Variants in SP2 observed in about 807,000 individuals in gnomAD.
The protein encoded by SP2 is Sp2 transcription factor.
SP2 carries 9 observed loss-of-function variants against 50.1 expected under a neutral mutation model. The observed-to-expected ratio is 0.18, with a 90% CI of 0.11 to 0.31. The LOEUF (loss-of-function observed/expected upper bound fraction) is 0.31. SP2 is among the 10% of genes least tolerant of loss of function. The pLI is 1.00. For missense variants in SP2, 581 were observed against 806.5 expected, an observed-to-expected ratio of 0.72 and a Z score of 3.39; for synonymous variants, 313 against 326.6, an observed-to-expected ratio of 0.96 and a Z score of 0.45.
chr17:47,898,725 C>T (rs906899849), intron 1 of SP2: 7 of 152,190 alleles, frequency 4.6e-5, no homozygotes, highest in Non-Finnish European at 1.0e-4. Context: ...CAGAGAAACA[C>T]TGCTTTAAAG....
Position 47,916,377 on chromosome 17 carries a change from C to T in SP2, c.306C>T (p.Ser102=), listed in dbSNP as rs533039353. 2.2e-5 allele frequency: 36 copies of T among 1,614,108 alleles called. No homozygotes were observed. The highest frequency in any genetic ancestry group is 6.7e-5 in the East Asian group (3 of 44,882). Residue 102 remains serine, a synonymous_variant, in exon 3 of 7, where the codon AGC becomes AGT. Transcript: ENST00000376741. The surrounding 1 kb of genome is among the most constrained non-coding windows in gnomAD (Gnocchi z 4.7). ...TTCAGATTCAGGGGTCACAACTGAG[C>T]GCCTCCTATCCTGGAGGGCAGCTGG... ...NILQIQGSQL[S]ASYPGGQLVF...
At chr17:47,912,414 C>T (rs140271627) in intron 1 of SP2, among the ~76,000 whole-genome samples, 2 of 151,480 alleles carry the variant, frequency 1.3e-5, no homozygotes, top group African/African-American at 2.4e-5. Flanking sequence ...AGCTCATCAC[C>T]TATCCAGGGC....
chr17:47,917,019 C>T lies in SP2; in HGVS notation c.948C>T (p.Ile316=). The T allele has an allele frequency of 1.2e-6, 2 of 1,614,190 alleles. No homozygotes were observed. The highest frequency in any genetic ancestry group is 2.2e-5 in the South Asian group (2 of 91,092). The change falls in exon 3 of 7, where the codon ATC becomes ATT. Residue 316 remains isoleucine (I), a synonymous_variant. Coordinates refer to ENST00000376741, the MANE Select transcript of SP2 (RefSeq NM_003110.6). The part of the protein sequence containing the change: ...PKAEQQQVVQ[I]PQQALRVVQA... ...CCGAGCAGCAGCAGGTGGTACAGAT[C>T]CCCCAGCAGGCTCTGCGGGTGGTGC...
chr17:47,916,249 C>G lies in SP2; in HGVS notation c.178C>G (p.Pro60Ala). Residue 60 changes from proline (P) to alanine (A), a missense_variant, in exon 3 of 7, where the codon CCA (proline) becomes GCA (alanine). Coordinates refer to ENST00000376741, the MANE Select transcript of SP2 (RefSeq NM_003110.6). The surrounding 1 kb of genome is among the most constrained non-coding windows in gnomAD (Gnocchi z 4.7). Reference sequence around the variant, plus strand: ...AGCTGCTGTGACACCTCCTGCTCCCCCACAGCCCACACCGCGGAAACTTGT... The same window carrying G: ...AGCTGCTGTGACACCTCCTGCTCCCGCACAGCCCACACCGCGGAAACTTGT... ...VEAAVTPPAP[P>A]QPTPRKLVPI... 6.2e-7 allele frequency: 1 copy of G among 1,614,146 alleles called. No homozygotes were observed. The highest frequency in any genetic ancestry group is 1.6e-4 in the Middle Eastern group (1 of 6,062).
At chr17:47,914,344 C>T (rs2035105289) in intron 1 of SP2, among the ~76,000 whole-genome samples, 1 of 150,386 alleles carries the variant, frequency 6.6e-6, no homozygotes, top group Non-Finnish European at 1.5e-5. Flanking sequence ...GCACTCCAGC[C>T]TGGGCAACAA....
chr17:47,897,020 ACTT>A (rs1250533584), intron 1 of SP2, among the ~76,000 whole-genome samples: 2 of 152,238 alleles, frequency 1.3e-5, no homozygotes. Context: ...AAGTTTGAGA[ACTT>A]CTTGCCAGAG....
chr17:47,916,802 A>C lies in SP2; in HGVS notation c.731A>C (p.Asn244Thr). Residue 244 changes from asparagine to threonine, a missense_variant, in exon 3 of 7, where the codon AAC (asparagine) becomes ACC (threonine). Around this residue, in one of 2 missense-constraint regions of SP2, gnomAD observed 397 missense variants for 491.0 expected, o/e 0.81. Coordinates refer to ENST00000376741, the MANE Select transcript of SP2 (RefSeq NM_003110.6). This position sits in a 1 kb window ranked among gnomAD's most constrained non-coding sequence, Gnocchi z 4.7. ...ESPPTPLSKT[N>T]KKARKKSLPA... is the part of the protein sequence containing the mutation. ...CCCCCAACCCCGCTGTCTAAGACTA[A>C]CAAGAAAGCAAGGAAGAAGAGCCTT... 6.2e-7 allele frequency: 1 copy of C among 1,614,142 alleles called. No homozygotes were observed. The highest frequency in any genetic ancestry group is 8.5e-7 in the Non-Finnish European group (1 of 1,179,970).
rs149293764 is a variant in SP2 at position 47,916,881 on chromosome 17, C to G, written c.810C>G (p.Ile270Met). ...AVAEQVETVLIETTADNIIQA... is the reference protein window; with the variant it reads ...AVAEQVETVLMETTADNIIQA... ...CTGAGCAGGTGGAGACGGTGCTGAT[C>G]GAGACCACCGCGGACAACATCATCC... The change falls in exon 3 of 7, where the codon ATC becomes ATG. Residue 270 changes from isoleucine (I) to methionine (M), a missense_variant. By Grantham distance (10) the Ile-to-Met change is conservative. Around this residue, in one of 2 missense-constraint regions of SP2, gnomAD observed 397 missense variants for 491.0 expected, o/e 0.81. Coordinates refer to ENST00000376741, the MANE Select transcript of SP2 (RefSeq NM_003110.6). The surrounding 1 kb of genome is among the most constrained non-coding windows in gnomAD (Gnocchi z 4.7). 1 of 1,614,094 alleles carries G rather than the reference C, an allele frequency of 6.2e-7. No homozygotes were observed. The highest frequency in any genetic ancestry group is 8.5e-7 in the Non-Finnish European group (1 of 1,180,012).
chr17:47,910,295 G>A (rs532806027), intron 1 of SP2, among the ~76,000 whole-genome samples: 30 of 152,254 alleles, frequency 2.0e-4, no homozygotes, highest in East Asian at 9.6e-4. Flanking sequence ...AAAATATCAC[G>A]GTCCGTCACA....
rs540313386 is a variant in SP2, at chr17:47,924,854, C to G, written c.1373-65C>G. 2.1e-6 allele frequency: 3 copies of G among 1,427,258 alleles called. No individual in the cohort carries two copies. The Admixed American group carries it at 6.5e-5, about 31-fold the overall frequency. The allele number at this position is 1,427,258 out of a possible 1,614,324, so 88.4% of individuals were successfully genotyped here. A position where few individuals can be genotyped will look rare whatever the true frequency, so the allele number is the denominator to read the frequency against. On this transcript the variant is annotated intron_variant, in intron 4 of 6. Coordinates refer to ENST00000376741, the MANE Select transcript of SP2 (RefSeq NM_003110.6). The stretch of plus-strand genomic sequence containing the variant: ...ATCATCTTTGTCATGTGCAGAAGGG[C>G]AGAAGGGTTGACTCGAGGTTTCAGG...
At chr17:47,920,658 T>A (rs1351075829) in intron 3 of SP2, among the ~76,000 whole-genome samples, 1 of 151,998 alleles carries the variant, frequency 6.6e-6, no homozygotes, top group African/African-American at 2.4e-5. Flanking sequence ...TCTGACCTTA[T>A]GATCCACCCG....
chr17:47,909,989 A>G (rs1417283595), intron 1 of SP2, among the ~76,000 whole-genome samples: 3 of 152,226 alleles, frequency 2.0e-5, no homozygotes, highest in Admixed American at 6.5e-5. Flanking sequence ...CTGGGAGTAC[A>G]GGCATGCGCC....
chr17:47,909,092 C>G lies in SP2; in HGVS notation c.8-6220C>G, dbSNP rs147987944. On this transcript the variant is annotated intron_variant, in intron 1 of 6. Transcript: ENST00000376741. The stretch of plus-strand genomic sequence containing the variant: ...TACCCTTTGAACCCATGTCCCCACT[C>G]TGGCACCCTGACCACAACCATTGCT... 3.7e-3 allele frequency among the ~76,000 whole-genome samples: 560 copies of G among 152,362 alleles called. 4 individuals are homozygous for G. The highest frequency in any genetic ancestry group is 0.013 in the African/African-American group (527 of 41,574).
At chr17:47,898,313 G>T (rs1177031160) in intron 1 of SP2, 3 of 152,260 alleles carry the variant, frequency 2.0e-5, no homozygotes, top group Non-Finnish European at 4.4e-5. Flanking sequence ...AGCAAGTAGA[G>T]TGGTTGGTTC....
intron 1 of SP2, among the ~76,000 whole-genome samples, chr17:47,903,254 C>T (rs2034614665): frequency 6.6e-6 from 1 of 152,172 alleles, no homozygotes; most frequent in Non-Finnish European, 1.5e-5. Context: ...AGACAGAGTC[C>T]TGGGGCAACC....
At chr17:47,923,752 T>A (rs2035548433) in intron 4 of SP2, among the ~76,000 whole-genome samples, 1 of 150,752 alleles carries the variant, frequency 6.6e-6, no homozygotes, top group African/African-American at 2.4e-5. Context: ...CCTTAATGAA[T>A]TTTTTTTTTG....
At chr17:47,930,196 T>C (rs2035791198), downstream of SP2, among the ~76,000 whole-genome samples, 1 of 152,232 alleles carries the variant, frequency 6.6e-6, no homozygotes, top group Non-Finnish European at 1.5e-5. Flanking sequence ...GGTGTATTTA[T>C]TCCTCATGCG....
chr17:47,919,421 A>AT (rs1567699528), intron 3 of SP2, among the ~76,000 whole-genome samples: 14 of 152,004 alleles, frequency 9.2e-5, no homozygotes, highest in African/African-American at 2.7e-4. Flanking sequence ...AAAAAAAAAA[A>AT]ATTTTTTTTA....
At chr17:47,925,615 C>G in intron 6 of SP2, 74 bp downstream of exon 6, 2 of 1,243,600 alleles carry the variant, frequency 1.6e-6, no homozygotes, top group East Asian at 2.3e-5. Context: ...CCCACTCTAC[C>G]GGCTTTAGCA....
Sources: gnomAD v4.1 joint callset for allele counts (sites outside exome capture counted in the v4.1 genomes callset) on GRCh38, gnomAD v4.1.1 for gene constraint, gnomAD v4.1.1 regional missense constraint, Gnocchi (gnomAD v3.1) non-coding constraint, MANE v1.5 for transcripts, NCBI Gene and HGNC (gene_info 2026-07-23, HGNC 2026-07-21) for gene names.